Variants in GRIA4 observed in about 807,000 individuals in gnomAD.
GRIA4 encodes glutamate receptor 4.
GRIA4 carries 34 observed loss-of-function variants against 104.0 expected under a neutral mutation model. The ratio of observed to expected loss-of-function variants is 0.33; its 90% CI spans 0.25 to 0.44. GRIA4 has a LOEUF of 0.44. Ranked by LOEUF, GRIA4 falls within the 20% of genes least tolerant of loss-of-function variation. The pLI is 1.00. For synonymous variants in GRIA4, 386 were observed against 381.9 expected, an observed-to-expected ratio of 1.01 and a Z score of -0.13; for missense variants, 750 against 1,096.5, an observed-to-expected ratio of 0.68 and a Z score of 4.46.
intron 14 of GRIA4, chr11:105,965,882 C>A: frequency 8.9e-7 from 1 of 1,118,182 alleles, no homozygotes; most frequent in South Asian, 1.3e-5. Context: ...GAGCTTAAGT[C>A]CTCATTCCTT....
chr11:105,749,813 C>A (rs1031188965), intron 3 of GRIA4, among the ~76,000 whole-genome samples: 1 of 152,118 alleles, frequency 6.6e-6, no homozygotes, highest in East Asian at 1.9e-4. Context: ...TGAAACAGAA[C>A]ACAGAACATG....
chr11:105,629,991 A>G (rs1950990732), intron 3 of GRIA4, among the ~76,000 whole-genome samples: 1 of 152,174 alleles, frequency 6.6e-6, no homozygotes, highest in Admixed American at 6.6e-5. Context: ...CTTAGCAACC[A>G]TATCTTATTT....
In GRIA4 at chr11:105,741,022, ATAGT is replaced by A. The variant is rs1340552950; in HGVS notation, c.248-11955_248-11952del. Among the ~76,000 whole-genome samples, 7 of 152,266 alleles carry A rather than the reference ATAGT, an allele frequency of 4.6e-5. 1 individual carries two copies. The highest frequency in any genetic ancestry group is 2.1e-4 in the South Asian group (1 of 4,820). On this transcript the variant is annotated intron_variant, in intron 3 of 16. Transcript: ENST00000282499. ...TAATTAGGGAGGAGGAAAACTGGTA[ATAGT>A]TAGAAGAGTTAGGAGACTTGAAGCT...
chr11:105,907,623 A>T (rs1217276551), intron 9 of GRIA4, among the ~76,000 whole-genome samples: 1 of 152,020 alleles, frequency 6.6e-6, no homozygotes, highest in Non-Finnish European at 1.5e-5. Flanking sequence ...TCTTCTTATC[A>T]CTCCAGTGAC....
Position 105,849,950 on chromosome 11 carries a change from C to T in GRIA4, c.488-12074C>T, listed in dbSNP as rs565434020. 5.3e-5 allele frequency among the ~76,000 whole-genome samples: 8 copies of T among 152,144 alleles called. No homozygotes were observed. The South Asian group carries it at 1.7e-3, about 32-fold the overall frequency. On this transcript the variant is annotated intron_variant, in intron 4 of 16. Coordinates refer to ENST00000282499, the MANE Select transcript of GRIA4 (RefSeq NM_000829.4). ...TTCTGTCACACTGCAACTAAACTTGCCAGTTTTAGAGGTATGATACCAGTG... is the reference window on the plus strand; with the variant it reads ...TTCTGTCACACTGCAACTAAACTTGTCAGTTTTAGAGGTATGATACCAGTG...
At chr11:105,729,743 A>G (rs1258300757) in intron 3 of GRIA4, among the ~76,000 whole-genome samples, 2 of 152,160 alleles carry the variant, frequency 1.3e-5, no homozygotes, top group Non-Finnish European at 2.9e-5. Flanking sequence ...CATAAACAGA[A>G]CCAATATCAA....
At chr11:105,865,695 T>C (rs1042604989) in intron 5 of GRIA4, among the ~76,000 whole-genome samples, 4 of 152,226 alleles carry the variant, frequency 2.6e-5, no homozygotes. Flanking sequence ...TTCTGAACTC[T>C]ATTACTTGCA....
intron 3 of GRIA4, among the ~76,000 whole-genome samples, chr11:105,705,254 C>T (rs1479019442): frequency 6.6e-6 from 1 of 151,978 alleles, no homozygotes; most frequent in Non-Finnish European, 1.5e-5. Flanking sequence ...ATACTATACA[C>T]CAGAATAAAT....
rs73630115 is a variant in GRIA4, at chr11:105,725,405, G to A, written c.248-27576G>A. Among the ~76,000 whole-genome samples the A allele has an allele frequency of 1.8e-3, 278 of 152,196 alleles. 2 individuals are homozygous for A. Among genetic ancestry groups the A allele is most frequent in the African/African-American group, 6.4e-3 (265 of 41,520 alleles). On this transcript the variant is annotated intron_variant, in intron 3 of 16. Coordinates refer to ENST00000282499, the MANE Select transcript of GRIA4 (RefSeq NM_000829.4). ...AGTGAGGACACTCATGCCATTGCCT[G>A]GTTTCAGCCTTGCACATAGCATACA...
chr11:105,770,787 T>C (rs1360489490), intron 4 of GRIA4, among the ~76,000 whole-genome samples: 1 of 152,080 alleles, frequency 6.6e-6, no homozygotes, highest in Non-Finnish European at 1.5e-5. Flanking sequence ...ACCCTTTTAA[T>C]TCTCTATGGA....
chr11:105,834,712 C>CTTTTT (rs5794429), intron 4 of GRIA4, among the ~76,000 whole-genome samples: 6 of 131,626 alleles, frequency 4.6e-5, no homozygotes, highest in Non-Finnish European at 6.5e-5. Flanking sequence ...TACAAAAAGA[C>CTTTTT]TTTTTTTTTT....
chr11:105,720,693 C>A (rs886581301), intron 3 of GRIA4, among the ~76,000 whole-genome samples: 1 of 152,090 alleles, frequency 6.6e-6, no homozygotes, highest in Admixed American at 6.5e-5. Context: ...CGTCTTGCTT[C>A]CTTCATTGTC....
intron 4 of GRIA4, among the ~76,000 whole-genome samples, chr11:105,805,123 T>C (rs956428546): frequency 1.3e-5 from 2 of 151,932 alleles, no homozygotes; most frequent in African/African-American, 4.8e-5. Context: ...ATTAACACTT[T>C]GTTACATTGG....
intron 3 of GRIA4, among the ~76,000 whole-genome samples, chr11:105,649,467 C>T (rs1334777003): frequency 6.6e-6 from 1 of 152,006 alleles, no homozygotes; most frequent in Non-Finnish European, 1.5e-5. Context: ...TTCCATTGTT[C>T]TCAATTCTAT....
At chr11:105,685,174 GGAGGGAGA>G (rs1297334192) in intron 3 of GRIA4, among the ~76,000 whole-genome samples, 1 of 146,844 alleles carries the variant, frequency 6.8e-6, no homozygotes, top group African/African-American at 2.5e-5. Flanking sequence ...AGGGAGGGAG[GGAGGGAGA>G]GAGGGAGGGA....
chr11:105,896,575 A>T (rs929047651), intron 6 of GRIA4, among the ~76,000 whole-genome samples: 4 of 151,990 alleles, frequency 2.6e-5, no homozygotes, highest in Non-Finnish European at 5.9e-5. Context: ...GTAGTCTTTA[A>T]TCTATCTTAA....
intron 3 of GRIA4, among the ~76,000 whole-genome samples, chr11:105,741,761 AC>A (rs1302387832): frequency 4.6e-5 from 7 of 152,080 alleles, no homozygotes; most frequent in Admixed American, 2.0e-4. Context: ...TGTTTAATTT[AC>A]TTTTATTGTG....
chr11:105,943,777 A>T (rs1208989896), intron 14 of GRIA4, among the ~76,000 whole-genome samples: 5 of 152,124 alleles, frequency 3.3e-5, no homozygotes, highest in Non-Finnish European at 2.9e-5. Flanking sequence ...TGGATGAAAT[A>T]GGTGTTTCAT....
At chr11:105,634,992 G>T (rs181787518) in intron 3 of GRIA4, among the ~76,000 whole-genome samples, 2 of 152,232 alleles carry the variant, frequency 1.3e-5, no homozygotes, top group Admixed American at 1.3e-4. Context: ...TAACTATGAT[G>T]ATAACATTTC....
Sources: allele counts gnomAD v4.1 joint callset (sites outside exome capture counted in the v4.1 genomes callset), GRCh38; gene constraint gnomAD v4.1.1; transcripts MANE v1.5; gene names NCBI Gene and HGNC (gene_info 2026-07-23, HGNC 2026-07-21).